Variants in HERC2 observed in about 807,000 individuals in gnomAD.
The protein encoded by HERC2 is E3 ubiquitin-protein ligase HERC2.
A neutral mutation model predicts 537.7 loss-of-function variants in HERC2; 102 were observed. The observed-to-expected ratio is 0.19, with a 90% CI of 0.16 to 0.22. HERC2 has a LOEUF of 0.22. Among genes scored for constraint, HERC2 ranks in the 10% least tolerant of loss-of-function variants. The probability of loss-of-function intolerance (pLI) is 1.00; values close to 1 mark genes in which losing one functional copy is unlikely to be tolerated. For missense variants in HERC2, 4,236 were observed against 6,198.2 expected (o/e 0.68, Z 10.63); for synonymous variants, 2,224 against 2,466.2 (o/e 0.90, Z 2.91).
intron 68 of HERC2, among the ~76,000 whole-genome samples, chr15:28,164,272 AG>A (rs1278182873): frequency 6.6e-6 from 1 of 152,194 alleles, no homozygotes; most frequent in African/African-American, 2.4e-5. Context: ...GGCTGGGGGA[AG>A]GACAGCCCCA....
At chr15:28,127,997 G>A (rs1332504422) in intron 83 of HERC2, among the ~76,000 whole-genome samples, 1 of 152,140 alleles carries the variant, frequency 6.6e-6, no homozygotes, top group African/African-American at 2.4e-5. Context: ...ATGTAACCAA[G>A]CAACTGTAGT....
chr15:28,183,384 AT>A (rs11316923), intron 56 of HERC2, among the ~76,000 whole-genome samples: 19,519 of 150,810 alleles, frequency 0.13, 4,235 homozygotes, highest in African/African-American at 0.45. Flanking sequence ...TAATTTTTGC[AT>A]TTTTTTTTGT....
chr15:28,228,478 C>G, intron 34 of HERC2, 69 bp from the exon 35 acceptor site: 1 of 1,389,590 alleles, frequency 7.2e-7, no homozygotes, highest in Non-Finnish European at 1.0e-6. Context: ...GCAGAAAGCA[C>G]GGGCGATTAC....
At chr15:28,314,827 C>T (rs2077039198) in intron 2 of HERC2, among the ~76,000 whole-genome samples, 1 of 150,730 alleles carries the variant, frequency 6.6e-6, no homozygotes, top group South Asian at 2.1e-4. Flanking sequence ...CGCCACTGCA[C>T]TCCAGCCTGG....
Position 28,186,708 on chromosome 15 carries a change from T to C in HERC2, c.8694A>G (p.Ser2898=), listed in dbSNP as rs759782475. Residue 2898 remains serine (S), a synonymous_variant, in exon 56 of 93, where the codon TCA becomes TCG. Coordinates refer to ENST00000261609, the MANE Select transcript of HERC2 (RefSeq NM_004667.6). The stretch of plus-strand genomic sequence containing the variant: ...GACCATGGATTTTACAATCGATTCC[T>C]GAGCTCCTGCACTGCTTTATAGCAA... ...IEIAIKQCRS[S]GIDCKIHGLI... 7 of 1,614,004 alleles carry C rather than the reference T, an allele frequency of 4.3e-6. No individual in the cohort carries two copies. In the South Asian group the frequency reaches 5.5e-5, roughly 13 times the overall value.
intron 69 of HERC2, among the ~76,000 whole-genome samples, chr15:28,160,524 C>T (rs1893483660): frequency 6.6e-6 from 1 of 152,228 alleles, no homozygotes; most frequent in Non-Finnish European, 1.5e-5. Context: ...GCGTGGGACC[C>T]TCCGAGCCAG....
chr15:28,289,542 G>A (rs1379626271), intron 4 of HERC2, among the ~76,000 whole-genome samples: 2 of 151,750 alleles, frequency 1.3e-5, no homozygotes, highest in Non-Finnish European at 2.9e-5. Context: ...CAGCACGATG[G>A]AGATACTCCT....
intron 53 of HERC2, among the ~76,000 whole-genome samples, chr15:28,191,562 C>G (rs938798457): frequency 6.6e-6 from 1 of 152,206 alleles, no homozygotes; most frequent in Non-Finnish European, 1.5e-5. Context: ...TAAAGTCTGA[C>G]CTGTGTGCCC....
chr15:28,248,411 G>C (rs1903932498), intron 21 of HERC2, 141 bp downstream of exon 21: 4 of 580,432 alleles, frequency 6.9e-6, no homozygotes, highest in Non-Finnish European at 1.2e-5. Flanking sequence ...CAAAAAAGTG[G>C]ATGCAAAATG....
intron 16 of HERC2, among the ~76,000 whole-genome samples, chr15:28,259,155 C>T (rs377718130): frequency 2.6e-5 from 4 of 152,166 alleles, no homozygotes; most frequent in Non-Finnish European, 5.9e-5. Flanking sequence ...AGTGCAATGG[C>T]GCCATCCCGG....
chr15:28,250,661 TC>T (rs1454748009), intron 20 of HERC2, among the ~76,000 whole-genome samples: 21 of 152,166 alleles, frequency 1.4e-4, no homozygotes, highest in African/African-American at 4.6e-4. Context: ...ACTCACGTTT[TC>T]CAAGGGAAAA....
chr15:28,136,839 A>G (rs1890694529), intron 78 of HERC2, among the ~76,000 whole-genome samples: 2 of 152,262 alleles, frequency 1.3e-5, no homozygotes, highest in Non-Finnish European at 2.9e-5. Flanking sequence ...CAAAATGAAG[A>G]TATTTTGAAA....
intron 2 of HERC2, 124 bp from the exon 3 acceptor site, chr15:28,299,640 T>A (rs1472632662): frequency 8.2e-6 from 5 of 613,254 alleles, no homozygotes; most frequent in Non-Finnish European, 1.5e-5. Context: ...ATAAAATCAA[T>A]GATTTACTGA....
At chr15:28,150,628 C>CA (rs1040521127) in intron 70 of HERC2, among the ~76,000 whole-genome samples, 6 of 134,476 alleles carry the variant, frequency 4.5e-5, no homozygotes, top group Admixed American at 7.7e-5. Context: ...GTGAAATTAC[C>CA]AAAAAAACAC....
At chr15:28,304,849 ACCCCTCC>A (rs1207774484) in intron 2 of HERC2, among the ~76,000 whole-genome samples, 2 of 89,266 alleles carry the variant, frequency 2.2e-5, no homozygotes, top group Non-Finnish European at 2.2e-5. Context: ...TCCCAATGCT[ACCCCTCC>A]CCCCTCCCCC....
chr15:28,314,113 T>C (rs1016218500), intron 2 of HERC2, among the ~76,000 whole-genome samples: 1 of 152,216 alleles, frequency 6.6e-6, no homozygotes, highest in African/African-American at 2.4e-5. Context: ...GGGGAAGTTA[T>C]TGTTACCCAG....
chr15:28,242,619 A>C (rs149125645), intron 23 of HERC2, among the ~76,000 whole-genome samples: 4 of 152,354 alleles, frequency 2.6e-5, no homozygotes, highest in Admixed American at 6.5e-5. Flanking sequence ...AAGGAAAATG[A>C]GATGCAAAAT....
intron 20 of HERC2, among the ~76,000 whole-genome samples, chr15:28,253,530 T>C (rs1250553339): frequency 1.3e-5 from 2 of 152,214 alleles, no homozygotes; most frequent in Non-Finnish European, 2.9e-5. Context: ...CTCTCACCTA[T>C]ATTGAAAAGG....
intron 30 of HERC2, among the ~76,000 whole-genome samples, chr15:28,231,452 T>G (rs1282581726): frequency 6.6e-6 from 1 of 151,976 alleles, no homozygotes; most frequent in African/African-American, 2.4e-5. Flanking sequence ...GGCACTGGAG[T>G]CTGAGTGAGG....
Sources: gnomAD v4.1 joint callset for allele counts (sites outside exome capture counted in the v4.1 genomes callset) on GRCh38, gnomAD v4.1.1 for gene constraint, MANE v1.5 for transcripts, NCBI Gene and HGNC (gene_info 2026-07-23, HGNC 2026-07-21) for gene names.